LRRC4C: variants seen among roughly 807,000 people sequenced by gnomAD.
LRRC4C encodes leucine-rich repeat-containing protein 4C.
LRRC4C carries 5 observed loss-of-function variants against 33.6 expected under a neutral mutation model. The observed-to-expected ratio is 0.15, with a 90% CI of 0.08 to 0.31. LRRC4C has a LOEUF of 0.31. LRRC4C is among the 10% of genes least tolerant of loss of function. The pLI is 1.00. For synonymous variants in LRRC4C, 329 were observed against 302.0 expected, an observed-to-expected ratio of 1.09 and a Z score of -0.93; for missense variants, 560 against 796.7, an observed-to-expected ratio of 0.70 and a Z score of 3.58.
At chr11:40,384,229 G>T (rs1381683490) in intron 3 of LRRC4C, among the ~76,000 whole-genome samples, 5 of 151,916 alleles carry the variant, frequency 3.3e-5, no homozygotes, top group Non-Finnish European at 5.9e-5. Flanking sequence ...GCTTTATAGT[G>T]GTGATGGGGC....
intron 4 of LRRC4C, among the ~76,000 whole-genome samples, chr11:40,287,908 A>C (rs950508176): frequency 2.6e-5 from 4 of 152,196 alleles, no homozygotes; most frequent in Non-Finnish European, 5.9e-5. Flanking sequence ...AATCTTGTCT[A>C]TATATTTCTT....
chr11:40,147,161 A>G (rs570900143), intron 5 of LRRC4C, among the ~76,000 whole-genome samples: 8 of 152,230 alleles, frequency 5.3e-5, no homozygotes, highest in African/African-American at 1.9e-4. Context: ...TCAATTTAAT[A>G]GTGGGCACTG....
intron 1 of LRRC4C, among the ~76,000 whole-genome samples, chr11:41,037,910 A>T (rs1290009059): frequency 2.0e-5 from 3 of 152,038 alleles, no homozygotes; most frequent in African/African-American, 7.2e-5. Flanking sequence ...ACCCACATTT[A>T]TTTCCTCCTT....
chr11:41,020,838 A>T (rs1473959188), intron 1 of LRRC4C, among the ~76,000 whole-genome samples: 1 of 152,068 alleles, frequency 6.6e-6, no homozygotes, highest in Non-Finnish European at 1.5e-5. Flanking sequence ...AATCCATGGT[A>T]TCTGTCTCAC....
intron 1 of LRRC4C, among the ~76,000 whole-genome samples, chr11:41,384,293 C>T (rs182284060): frequency 1.8e-4 from 28 of 151,992 alleles, no homozygotes; most frequent in Middle Eastern, 3.4e-3. Flanking sequence ...AAAAACTATG[C>T]TAGTCTCTTT....
chr11:40,385,735 C>T (rs1949081387), intron 3 of LRRC4C, among the ~76,000 whole-genome samples: 1 of 151,882 alleles, frequency 6.6e-6, no homozygotes, highest in Admixed American at 6.6e-5. Flanking sequence ...GGCATGGTGG[C>T]ATGTGCTTGT....
chr11:41,218,763 A>ATT (rs1184491274), intron 1 of LRRC4C, among the ~76,000 whole-genome samples: 1,798 of 108,896 alleles, frequency 0.017, 64 homozygotes, highest in Middle Eastern at 0.031. Flanking sequence ...TGCATATGTC[A>ATT]TTTTTTTTTT....
intron 1 of LRRC4C, among the ~76,000 whole-genome samples, chr11:40,959,951 T>C (rs1850862529): frequency 6.6e-6 from 1 of 151,768 alleles, no homozygotes; most frequent in African/African-American, 2.4e-5. Context: ...CAAGTAATTG[T>C]ACAATGTTAG....
intron 3 of LRRC4C, among the ~76,000 whole-genome samples, chr11:40,369,622 G>A (rs945011882): frequency 2.0e-5 from 3 of 152,230 alleles, no homozygotes; most frequent in African/African-American, 7.2e-5. Flanking sequence ...AAAGGCGTAA[G>A]CCAACACACC....
chr11:40,972,277 C>G (rs572149503), intron 1 of LRRC4C, among the ~76,000 whole-genome samples: 2 of 152,092 alleles, frequency 1.3e-5, no homozygotes, highest in Admixed American at 6.6e-5. Context: ...GCTGGGATTA[C>G]AAGCATGTGC....
At chr11:41,012,871 C>G (rs541267037) in intron 1 of LRRC4C, among the ~76,000 whole-genome samples, 1 of 152,146 alleles carries the variant, frequency 6.6e-6, no homozygotes, top group Non-Finnish European at 1.5e-5. Flanking sequence ...TACCTATTGG[C>G]CATCTGTATG....
At chr11:40,764,028 C>T (rs949777860) in intron 2 of LRRC4C, among the ~76,000 whole-genome samples, 3 of 152,110 alleles carry the variant, frequency 2.0e-5, no homozygotes, top group African/African-American at 7.2e-5. Context: ...CCAGGTATTG[C>T]AGCTTGCACT....
At chr11:40,157,858 T>C (rs539512035) in intron 5 of LRRC4C, among the ~76,000 whole-genome samples, 1 of 152,082 alleles carries the variant, frequency 6.6e-6, no homozygotes, top group Admixed American at 6.6e-5. Flanking sequence ...GGAGATTCCT[T>C]AAAAAAACTA....
intron 1 of LRRC4C, among the ~76,000 whole-genome samples, chr11:41,122,296 G>A (rs1168682677): frequency 6.6e-6 from 1 of 152,100 alleles, no homozygotes; most frequent in African/African-American, 2.4e-5. Flanking sequence ...AGATAGTTCT[G>A]TCGGGAAACA....
intron 1 of LRRC4C, among the ~76,000 whole-genome samples, chr11:41,044,151 A>G (rs1192172378): frequency 2.0e-5 from 3 of 152,186 alleles, no homozygotes; most frequent in African/African-American, 7.2e-5. Context: ...TGAGCTGAAC[A>G]TAATGAATAG....
At chr11:41,278,279 C>T (rs922346284) in intron 1 of LRRC4C, among the ~76,000 whole-genome samples, 3 of 151,946 alleles carry the variant, frequency 2.0e-5, no homozygotes, top group Non-Finnish European at 4.4e-5. Context: ...CAGTACATCA[C>T]TTAACATCAT....
chr11:40,377,269 C>A (rs1317284527), intron 3 of LRRC4C, among the ~76,000 whole-genome samples: 1 of 152,084 alleles, frequency 6.6e-6, no homozygotes, highest in African/African-American at 2.4e-5. Context: ...GATATTTCTC[C>A]AACCATATAG....
intron 1 of LRRC4C, among the ~76,000 whole-genome samples, chr11:41,407,887 A>T (rs1439494505): frequency 6.6e-6 from 1 of 152,152 alleles, no homozygotes; most frequent in Non-Finnish European, 1.5e-5. Flanking sequence ...AGCATTCAAA[A>T]CACATTTTCT....
intron 1 of LRRC4C, among the ~76,000 whole-genome samples, chr11:41,064,181 T>C (rs1018037549): frequency 6.6e-6 from 1 of 152,238 alleles, no homozygotes; most frequent in African/African-American, 2.4e-5. Context: ...TACCACTTTG[T>C]AATGTAGTTG....
Sources: gnomAD v4.1 joint callset for allele counts (sites outside exome capture counted in the v4.1 genomes callset) on GRCh38, gnomAD v4.1.1 for gene constraint, MANE v1.5 for transcripts, NCBI Gene and HGNC (gene_info 2026-07-23, HGNC 2026-07-21) for gene names.